SAMD5: variants seen among roughly 807,000 people sequenced by gnomAD.
The protein encoded by SAMD5 is sterile alpha motif domain containing 5.
A neutral mutation model predicts 11.3 loss-of-function variants in SAMD5; 13 were observed. The observed-to-expected ratio is 1.15, with a 90% CI of 0.75 to 1.83. The LOEUF (loss-of-function observed/expected upper bound fraction) is 1.83. Among genes scored for constraint, SAMD5 ranks in the 40% most tolerant of loss-of-function variants. The pLI, the probability that SAMD5 is intolerant of heterozygous loss-of-function variation, is 0.00. For synonymous variants in SAMD5, 129 were observed against 111.3 expected, an observed-to-expected ratio of 1.16 and a Z score of -1.00; for missense variants, 255 against 239.1, an observed-to-expected ratio of 1.07 and a Z score of -0.44.
At chr6:147,534,286 GT>G (rs200024321) in intron 1 of SAMD5, among the ~76,000 whole-genome samples, 1,706 of 152,328 alleles carry the variant, frequency 0.011, 17 homozygotes, top group Non-Finnish European at 0.019. Flanking sequence ...CGAAAGGACT[GT>G]GTTCTTTTTT....
At chr6:147,796,978 G>A in the SAMD5 span, among the ~76,000 whole-genome samples, 1 of 145,026 alleles carries the variant, frequency 6.9e-6, no homozygotes, top group Non-Finnish European at 1.5e-5. Context: ...CTGAGACAAT[G>A]GGGTTTTCTA....
At position 147,567,354 on chromosome 6, in the gene SAMD5, C is replaced by T. The variant is rs911240823; in HGVS notation, c.*2898C>T. 1 of 984,704 alleles carries T rather than the reference C, an allele frequency of 1.0e-6. No homozygotes were observed. The highest frequency in any genetic ancestry group is 1.7e-5 in the African/African-American group (1 of 57,200). The allele number at this position is 984,704 out of a possible 1,614,324, so 61.0% of individuals were successfully genotyped here. On this transcript the variant is annotated 3_prime_UTR_variant, in exon 2 of 2. Coordinates refer to ENST00000367474, the MANE Select transcript of SAMD5 (RefSeq NM_001030060.3). ...CTTGGTGTTATGCAATAAACAATGA[C>T]AACAACAAGCATTGAGCTTTCACTT... is the stretch of plus-strand genomic sequence containing the variant.
the SAMD5 span, among the ~76,000 whole-genome samples, chr6:147,872,273 T>C: frequency 6.6e-6 from 1 of 151,764 alleles, no homozygotes; most frequent in Non-Finnish European, 1.5e-5. Flanking sequence ...GCCTGGCTGT[T>C]TTTTTTTAGA....
chr6:147,912,137 T>C, the SAMD5 span, among the ~76,000 whole-genome samples: 1 of 152,176 alleles, frequency 6.6e-6, no homozygotes, highest in East Asian at 1.9e-4. Flanking sequence ...TTTCTTTTTT[T>C]TTTTATGCTG....
At chr6:147,860,002 G>A in the SAMD5 span, among the ~76,000 whole-genome samples, 1 of 151,994 alleles carries the variant, frequency 6.6e-6, no homozygotes, top group East Asian at 1.9e-4. Context: ...AATGTACTAG[G>A]GCTGCCATAG....
the SAMD5 span, among the ~76,000 whole-genome samples, chr6:147,888,858 C>T: frequency 6.7e-6 from 1 of 149,708 alleles, no homozygotes; most frequent in African/African-American, 2.5e-5. Context: ...GCACTCCAGC[C>T]TGGGTGACAA....
At chr6:147,663,259 T>G (rs1790670996) in intron 1 of SAMD5, among the ~76,000 whole-genome samples, 2 of 152,096 alleles carry the variant, frequency 1.3e-5, no homozygotes, top group Admixed American at 6.5e-5. Flanking sequence ...TGATGTAAAA[T>G]TCTATCAATT....
At chr6:147,516,230 C>A (rs1788168638) in intron 1 of SAMD5, among the ~76,000 whole-genome samples, 1 of 152,222 alleles carries the variant, frequency 6.6e-6, no homozygotes, top group African/African-American at 2.4e-5. Flanking sequence ...GTGCTGAGAA[C>A]CATATCAGTG....
the SAMD5 span, among the ~76,000 whole-genome samples, chr6:147,769,688 AG>A: frequency 6.6e-6 from 1 of 152,222 alleles, no homozygotes; most frequent in Non-Finnish European, 1.5e-5. Flanking sequence ...GTATATTAAT[AG>A]GCTTTCACTT....
the SAMD5 span, among the ~76,000 whole-genome samples, chr6:147,882,324 T>C: frequency 1.3e-5 from 2 of 152,186 alleles, no homozygotes; most frequent in African/African-American, 2.4e-5. Context: ...TTGCCCCAGT[T>C]GACAAAGTCC....
chr6:147,787,979 A>G, the SAMD5 span, among the ~76,000 whole-genome samples: 1 of 152,212 alleles, frequency 6.6e-6, no homozygotes, highest in Admixed American at 6.5e-5. Flanking sequence ...GGGTTGCATA[A>G]GTATTCGGTG....
At chr6:147,872,639 G>A in the SAMD5 span, among the ~76,000 whole-genome samples, 7 of 152,262 alleles carry the variant, frequency 4.6e-5, no homozygotes, top group African/African-American at 1.4e-4. Context: ...TTCCCTAGTG[G>A]AGTATGGAAT....
chr6:147,770,709 CT>C, the SAMD5 span, among the ~76,000 whole-genome samples: 7 of 152,046 alleles, frequency 4.6e-5, no homozygotes, highest in African/African-American at 1.7e-4. Context: ...AGATGATTTG[CT>C]TTTTATTTTT....
At chr6:147,738,001 T>G (rs532802247), downstream of SAMD5, among the ~76,000 whole-genome samples, 1 of 152,242 alleles carries the variant, frequency 6.6e-6, no homozygotes, top group South Asian at 2.1e-4. Context: ...GAGATTTTAT[T>G]ATTGTAACCA....
At chr6:147,721,679 G>T (rs1485904434) in intron 1 of SAMD5, among the ~76,000 whole-genome samples, 1 of 152,022 alleles carries the variant, frequency 6.6e-6, no homozygotes, top group Admixed American at 6.6e-5. Context: ...AGTTTCTTTT[G>T]CTGTGCAGAA....
At chr6:147,637,600 G>T (rs1790249327) in intron 1 of SAMD5, among the ~76,000 whole-genome samples, 1 of 152,176 alleles carries the variant, frequency 6.6e-6, no homozygotes, top group Non-Finnish European at 1.5e-5. Flanking sequence ...AGTCTAAGTG[G>T]TAAGACATAG....
chr6:147,582,262 G>A (rs1789309191), intron 1 of SAMD5, among the ~76,000 whole-genome samples: 1 of 151,892 alleles, frequency 6.6e-6, no homozygotes, highest in African/African-American at 2.4e-5. Flanking sequence ...GGCTACCTGG[G>A]AGGCTGAGGC....
At chr6:147,731,434 G>A (rs1384280135) in intron 1 of SAMD5, among the ~76,000 whole-genome samples, 2 of 152,122 alleles carry the variant, frequency 1.3e-5, no homozygotes, top group Non-Finnish European at 2.9e-5. Context: ...GAATGCTCAT[G>A]GGCTGCTGTG....
At chr6:147,697,300 G>A (rs1182221078) in intron 1 of SAMD5, among the ~76,000 whole-genome samples, 1 of 152,166 alleles carries the variant, frequency 6.6e-6, no homozygotes, top group East Asian at 1.9e-4. Flanking sequence ...CTAAATACAT[G>A]GAGAATTTCT....
Sources: gnomAD v4.1 joint callset for allele counts (sites outside exome capture counted in the v4.1 genomes callset) on GRCh38, gnomAD v4.1.1 for gene constraint, MANE v1.5 for transcripts, NCBI Gene and HGNC (gene_info 2026-07-23, HGNC 2026-07-21) for gene names.